ARMC9: variants seen among roughly 807,000 people sequenced by gnomAD.
ARMC9 encodes the protein lisH domain-containing protein ARMC9.
A neutral mutation model predicts 107.0 loss-of-function variants in ARMC9; 94 were observed. That is an observed-to-expected ratio of 0.88 (90% CI 0.74 to 1.04). The LOEUF (loss-of-function observed/expected upper bound fraction) is 1.04, where lower values mean the gene tolerates loss of function less well. ARMC9 is among the 50% of genes least tolerant of loss of function. ARMC9 has a pLI of 0.00. For synonymous variants in ARMC9, 380 were observed against 396.9 expected (o/e 0.96, Z 0.51); for missense variants, 942 against 1,030.1 (o/e 0.91, Z 1.17).
At chr2:231,351,307 T>A (rs75013601) in intron 21 of ARMC9, among the ~76,000 whole-genome samples, 12,242 of 151,744 alleles carry the variant, frequency 0.081, 1,471 homozygotes, top group African/African-American at 0.26. Flanking sequence ...GGCCAGGGAA[T>A]CCCAGCAGAG....
chr2:231,290,710 A>G (rs1015872747), intron 17 of ARMC9, among the ~76,000 whole-genome samples: 5 of 152,184 alleles, frequency 3.3e-5, no homozygotes, highest in Admixed American at 2.0e-4. Flanking sequence ...ATAATAAACA[A>G]TGTATAGTGT....
chr2:231,251,409 C>T (rs1210745652), intron 9 of ARMC9, among the ~76,000 whole-genome samples: 1 of 152,184 alleles, frequency 6.6e-6, no homozygotes, highest in African/African-American at 2.4e-5. Flanking sequence ...TTGTGATTCA[C>T]CTGCCTCAGC....
At chr2:231,337,120 T>A (rs1181601121) in intron 20 of ARMC9, among the ~76,000 whole-genome samples, 1 of 151,908 alleles carries the variant, frequency 6.6e-6, no homozygotes, top group Non-Finnish European at 1.5e-5. Context: ...CTTTTCGGGT[T>A]TTTTTTCACA....
At chr2:231,345,198 A>G (rs116552131) in intron 21 of ARMC9, 108 bp downstream of exon 21, 56,949 of 1,539,380 alleles carry the variant, frequency 0.037, 1,218 homozygotes, top group Non-Finnish European at 0.042. Flanking sequence ...TCATTTTGAA[A>G]AGCATTTATC....
intron 22 of ARMC9, among the ~76,000 whole-genome samples, chr2:231,357,748 A>AT (rs2045401904): frequency 6.6e-6 from 1 of 151,974 alleles, no homozygotes; most frequent in African/African-American, 2.4e-5. Context: ...GTGGTTTTCT[A>AT]TTTTTTGTAA....
intron 23 of ARMC9, among the ~76,000 whole-genome samples, chr2:231,369,061 C>T (rs1447141911): frequency 2.0e-5 from 3 of 152,210 alleles, no homozygotes; most frequent in Non-Finnish European, 2.9e-5. Flanking sequence ...GTGCTAACAA[C>T]TGGGCCCAGG....
chr2:231,326,618 G>T (rs1031474877), intron 19 of ARMC9, among the ~76,000 whole-genome samples: 7 of 152,228 alleles, frequency 4.6e-5, no homozygotes, highest in African/African-American at 1.7e-4. Flanking sequence ...GTGGTTGAGA[G>T]AGTGGAGAGG....
chr2:231,199,854 C>T (rs1407290281), intron 1 of ARMC9, among the ~76,000 whole-genome samples: 3 of 152,068 alleles, frequency 2.0e-5, no homozygotes, highest in Non-Finnish European at 2.9e-5. Flanking sequence ...GACGCCACCA[C>T]GCCCGGCTAA....
At chr2:231,369,353 C>A (rs1015326960) in intron 23 of ARMC9, among the ~76,000 whole-genome samples, 1 of 149,908 alleles carries the variant, frequency 6.7e-6, no homozygotes, top group Non-Finnish European at 1.5e-5. Flanking sequence ...AGTGCAGTGG[C>A]GTGATCTTGT....
chr2:231,351,262 C>T (rs538492948), intron 21 of ARMC9, among the ~76,000 whole-genome samples: 2 of 151,510 alleles, frequency 1.3e-5, no homozygotes, highest in East Asian at 3.9e-4. Flanking sequence ...CACAAAGTGA[C>T]AATTCTAAGA....
intron 12 of ARMC9, among the ~76,000 whole-genome samples, chr2:231,269,646 T>C (rs1574882074): frequency 6.6e-6 from 1 of 152,108 alleles, no homozygotes; most frequent in African/African-American, 2.4e-5. Flanking sequence ...CCCAAAGTCC[T>C]GGGATTATAG....
At chr2:231,254,703 G>C (rs1265497831) in intron 9 of ARMC9, among the ~76,000 whole-genome samples, 1 of 151,314 alleles carries the variant, frequency 6.6e-6, no homozygotes, top group Non-Finnish European at 1.5e-5. Flanking sequence ...AAAAATTTAA[G>C]TATCATTAAC....
chr2:231,206,037 A>C (rs2031935058), intron 1 of ARMC9, among the ~76,000 whole-genome samples, 161 bp from the exon 2 acceptor site: 1 of 152,092 alleles, frequency 6.6e-6, no homozygotes, highest in South Asian at 2.1e-4. Context: ...TTCCATCTGC[A>C]CCTTAATTCC....
intron 7 of ARMC9, among the ~76,000 whole-genome samples, chr2:231,233,701 G>A (rs1417758390): frequency 2.0e-5 from 3 of 151,988 alleles, no homozygotes; most frequent in East Asian, 1.9e-4. Flanking sequence ...GCTTGAACCC[G>A]GGAGGCGGAG....
At chr2:231,271,655 T>C (rs1410412365) in intron 13 of ARMC9, among the ~76,000 whole-genome samples, 1 of 152,248 alleles carries the variant, frequency 6.6e-6, no homozygotes, top group Non-Finnish European at 1.5e-5. Flanking sequence ...TATATGATAC[T>C]CCAAAACTTT....
At chr2:231,221,516 A>G (rs1439650107) in intron 5 of ARMC9, among the ~76,000 whole-genome samples, 1 of 152,108 alleles carries the variant, frequency 6.6e-6, no homozygotes. Flanking sequence ...TCAGGGAATT[A>G]CACAATTTTT....
At chr2:231,369,682 C>T (rs115190879) in intron 23 of ARMC9, among the ~76,000 whole-genome samples, 1,894 of 151,990 alleles carry the variant, frequency 0.012, 44 homozygotes, top group African/African-American at 0.042. Flanking sequence ...CTGCAACCTC[C>T]TCCCAGGTTC....
intron 19 of ARMC9, among the ~76,000 whole-genome samples, chr2:231,296,827 C>CTGTA (rs1332215334): frequency 1.3e-5 from 2 of 152,192 alleles, no homozygotes; most frequent in African/African-American, 4.8e-5. Context: ...GACTCAGGGA[C>CTGTA]TGTAGTTGGA....
At chr2:231,204,057 C>T (rs965258424) in intron 1 of ARMC9, among the ~76,000 whole-genome samples, 1 of 151,792 alleles carries the variant, frequency 6.6e-6, no homozygotes, top group African/African-American at 2.4e-5. Flanking sequence ...CTCTGTAGGC[C>T]CAGCTACTCA....
Sources: allele counts gnomAD v4.1 joint callset (sites outside exome capture counted in the v4.1 genomes callset), GRCh38; gene constraint gnomAD v4.1.1; transcripts MANE v1.5; gene names NCBI Gene and HGNC (gene_info 2026-07-23, HGNC 2026-07-21).